Variants in TSPAN9 observed in about 807,000 individuals in gnomAD.
TSPAN9 encodes tetraspanin 9, also known as tetraspanin-9.
Under a neutral mutation model 31.0 loss-of-function variants are expected in TSPAN9, and 16 were observed. The ratio of observed to expected loss-of-function variants is 0.52; its 90% CI spans 0.35 to 0.78. The LOEUF is 0.78. Ranked by LOEUF, TSPAN9 falls within the 30% of genes least tolerant of loss-of-function variation. The probability of loss-of-function intolerance (pLI) is 0.01; values close to 1 mark genes in which losing one functional copy is unlikely to be tolerated. For synonymous variants in TSPAN9, 145 were observed against 121.6 expected (o/e 1.19, Z -1.27); for missense variants, 272 against 312.5 (o/e 0.87, Z 0.98).
intron 2 of TSPAN9, among the ~76,000 whole-genome samples, chr12:3,096,433 C>CTTTTTTTTTTTTTTTTTTTTTTTTTTTT (rs1302577208): frequency 3.9e-5 from 6 of 152,234 alleles, no homozygotes; most frequent in South Asian, 4.2e-4. Flanking sequence ...TGCATTGTCT[C>CTTTTTTTTTTTTTTTTTTTTTTTTTTTT]TTTATTCCTT....
In TSPAN9 at chr12:3,109,028, C is replaced by CG. The variant is rs2098316259; in HGVS notation, c.-18+25312dup. ...TCCGCTCACTGCAAGCTCCGCCTCT[C>CG]GGGTTTACACCATTCTCCTGTCTCA... On this transcript the variant is annotated intron_variant, in intron 2 of 8. Coordinates refer to ENST00000011898, the MANE Select transcript of TSPAN9 (RefSeq NM_006675.5). 5.3e-5 allele frequency among the ~76,000 whole-genome samples: 8 copies of CG among 152,010 alleles called. No homozygotes were observed. In the South Asian group the frequency reaches 1.7e-3, roughly 32 times the overall value.
rs548598602 is a variant in TSPAN9 at position 3,209,619 on chromosome 12, C to A, written c.63+8363C>A. 2.0e-4 allele frequency among the ~76,000 whole-genome samples: 31 copies of A among 152,250 alleles called. No individual in the cohort carries two copies. In the South Asian group the frequency reaches 4.6e-3, roughly 22 times the overall value. ...GCTCAGCTGTACCTGAGTGAGTCAGCTGATGGTGTGCTGGGATGTTCTGGC... is the reference window on the plus strand; with the variant it reads ...GCTCAGCTGTACCTGAGTGAGTCAGATGATGGTGTGCTGGGATGTTCTGGC... On this transcript the variant is annotated intron_variant, in intron 3 of 8. Transcript: ENST00000011898.
chr12:3,279,537 C>G (rs1591722982), intron 5 of TSPAN9, among the ~76,000 whole-genome samples: 1 of 152,306 alleles, frequency 6.6e-6, no homozygotes. Flanking sequence ...GCACTAGAGC[C>G]CTTGAGGACG....
At chr12:3,228,871 G>A (rs2098389237) in intron 3 of TSPAN9, among the ~76,000 whole-genome samples, 1 of 152,326 alleles carries the variant, frequency 6.6e-6, no homozygotes, top group African/African-American at 2.4e-5. Flanking sequence ...AGGCTCTAGG[G>A]AAGAATCCTT....
rs559116003 is a variant in TSPAN9, at chr12:3,223,476, AT to A, written c.63+22221del. On this transcript the variant is annotated intron_variant, in intron 3 of 8. Transcript: ENST00000011898. ...TCCAACCCTCCCTGGCTTTTGTGGC[AT>A]GTTTTCTATGCCGTTTGCTGCAAGG... Among the ~76,000 whole-genome samples the A allele has an allele frequency of 5.5e-4, 83 of 152,280 alleles. 1 individual carries two copies. Among genetic ancestry groups the A allele is most frequent in the African/African-American group, 1.9e-3 (78 of 41,568 alleles).
chr12:3,153,057 G>A (rs140128184), intron 2 of TSPAN9, among the ~76,000 whole-genome samples: 2 of 152,328 alleles, frequency 1.3e-5, no homozygotes, highest in East Asian at 1.9e-4. Context: ...ACGCCTGCGC[G>A]TGTGTGGGGT....
chr12:3,209,980 AAAAAAATT>A (rs1245278093), intron 3 of TSPAN9, among the ~76,000 whole-genome samples: 1 of 89,980 alleles, frequency 1.1e-5, no homozygotes, highest in Non-Finnish European at 2.6e-5. Context: ...AAAAAAAAAA[AAAAAAATT>A]AGCCGGGTGT....
intron 3 of TSPAN9, among the ~76,000 whole-genome samples, chr12:3,273,937 T>C (rs1314530885): frequency 6.6e-6 from 1 of 152,162 alleles, no homozygotes; most frequent in Non-Finnish European, 1.5e-5. Context: ...TGTCATTGGC[T>C]CTCCCTTCCC....
intron 2 of TSPAN9, among the ~76,000 whole-genome samples, chr12:3,125,244 A>G (rs2098326809): frequency 1.3e-5 from 2 of 151,678 alleles, no homozygotes; most frequent in South Asian, 4.2e-4. Context: ...ACTTGCTAAC[A>G]TTTCTCTAGT....
intron 2 of TSPAN9, among the ~76,000 whole-genome samples, chr12:3,164,730 GC>G (rs750795482): frequency 6.6e-6 from 1 of 152,156 alleles, no homozygotes; most frequent in Non-Finnish European, 1.5e-5. Flanking sequence ...TGTTAACTCT[GC>G]AACCAGACTG....
intron 8 of TSPAN9, 33 bp downstream of exon 8, chr12:3,281,850 C>A (rs376237652): frequency 6.2e-7 from 1 of 1,606,600 alleles, no homozygotes; most frequent in Non-Finnish European, 8.5e-7. Context: ...CCTCACCCAC[C>A]CTGCTGGCCT....
intron 2 of TSPAN9, among the ~76,000 whole-genome samples, chr12:3,096,926 C>T (rs1466777656): frequency 1.3e-5 from 2 of 152,162 alleles, no homozygotes; most frequent in East Asian, 1.9e-4. Flanking sequence ...TCTCGATCTT[C>T]TCACCTCGTG....
rs1482927222 is a variant in TSPAN9 at position 3,285,026 on chromosome 12, G to A, written c.*1910G>A. ...AGGGTGGTCTTGTGAGTTGTGCAGGGTGAAGACCGCTTCCCTGAGACAGGG... is the reference window on the plus strand; with the variant it reads ...AGGGTGGTCTTGTGAGTTGTGCAGGATGAAGACCGCTTCCCTGAGACAGGG... On this transcript the variant is annotated 3_prime_UTR_variant, in exon 9 of 9. Coordinates refer to ENST00000011898, the MANE Select transcript of TSPAN9 (RefSeq NM_006675.5). 1 of 152,262 alleles carries A rather than the reference G, an allele frequency of 6.6e-6. No individual in the cohort carries two copies. The highest frequency in any genetic ancestry group is 1.5e-5 in the Non-Finnish European group (1 of 68,080). 9.4% of individuals were successfully genotyped at this position (152,262 alleles called of 1,614,324 possible). A position where few individuals can be genotyped will look rare whatever the true frequency, so the allele number is the denominator to read the frequency against.
rs115674059 is a variant in TSPAN9, at chr12:3,258,261, G to C, written c.64-20160G>C. Among the ~76,000 whole-genome samples the C allele has an allele frequency of 6.5e-3, 988 of 152,302 alleles. 10 individuals are homozygous for C. The highest frequency in any genetic ancestry group is 0.023 in the African/African-American group (950 of 41,570). On this transcript the variant is annotated intron_variant, in intron 3 of 8. Transcript: ENST00000011898. ...TGCAGGTGCAGCTTGCTCAGTCTCGGGCTGAGTCCACAGGCTCTGGGGGTT... is the reference window on the plus strand; with the variant it reads ...TGCAGGTGCAGCTTGCTCAGTCTCGCGCTGAGTCCACAGGCTCTGGGGGTT...
intron 2 of TSPAN9, among the ~76,000 whole-genome samples, chr12:3,189,441 G>A (rs930221701): frequency 2.6e-5 from 4 of 152,234 alleles, no homozygotes; most frequent in East Asian, 3.8e-4. Context: ...CCTTGGGCCA[G>A]TACTAGTGGC....
intron 2 of TSPAN9, among the ~76,000 whole-genome samples, chr12:3,118,955 G>A (rs1303491910): frequency 6.6e-6 from 1 of 152,202 alleles, no homozygotes; most frequent in East Asian, 1.9e-4. Context: ...GCGCAGGACC[G>A]AGATCGCCCT....
At chr12:3,223,374 G>A (rs940822866) in intron 3 of TSPAN9, among the ~76,000 whole-genome samples, 7 of 152,288 alleles carry the variant, frequency 4.6e-5, no homozygotes, top group African/African-American at 1.7e-4. Flanking sequence ...TGGATTTGAC[G>A]GGAATGGGGC....
At chr12:3,198,160 C>CACACCAGCACAGCT (rs2098368332) in intron 2 of TSPAN9, among the ~76,000 whole-genome samples, 1 of 26,282 alleles carries the variant, frequency 3.8e-5, no homozygotes. Context: ...CCAGCACAGG[C>CACACCAGCACAGCT]CACCACCAGC....
chr12:3,255,267 A>G (rs1318282836), intron 3 of TSPAN9, among the ~76,000 whole-genome samples: 1 of 152,224 alleles, frequency 6.6e-6, no homozygotes, highest in Non-Finnish European at 1.5e-5. Flanking sequence ...TGAGCTGTGC[A>G]TGGACCTCAT....
Sources: allele counts gnomAD v4.1 joint callset (sites outside exome capture counted in the v4.1 genomes callset), GRCh38; gene constraint gnomAD v4.1.1; transcripts MANE v1.5; gene names NCBI Gene and HGNC (gene_info 2026-07-23, HGNC 2026-07-21).